The following CMIP variants were observed in gnomAD, a reference collection of about 807,000 sequenced individuals.
CMIP encodes the protein C-Maf-inducing protein.
A neutral mutation model predicts 97.3 loss-of-function variants in CMIP; 13 were observed. The observed-to-expected ratio is 0.13, with a 90% CI of 0.09 to 0.21. The LOEUF is 0.21. Ranked by LOEUF, CMIP falls within the 10% of genes least tolerant of loss-of-function variation. The probability of loss-of-function intolerance (pLI) is 1.00; values close to 1 mark genes in which losing one functional copy is unlikely to be tolerated. For missense variants in CMIP, 847 were observed against 1,024.9 expected, an observed-to-expected ratio of 0.83 and a Z score of 2.37; for synonymous variants, 538 against 436.3, an observed-to-expected ratio of 1.23 and a Z score of -2.91.
intron 1 of CMIP, among the ~76,000 whole-genome samples, chr16:81,556,189 C>G (rs997717722): frequency 6.6e-6 from 1 of 152,118 alleles, no homozygotes; most frequent in African/African-American, 2.4e-5. Flanking sequence ...TCTCATTTTG[C>G]TGTTACGGAA....
rs1244146893 is a variant in CMIP at position 81,651,490 on chromosome 16, G to A, written c.478-713G>A. On this transcript the variant is annotated intron_variant, in intron 3 of 20. Transcript: ENST00000537098. ...GAGGGCAGCGCTGGATTTCCCGGGG[G>A]AGCATTCCAGGTTTAGTCCCTACCT... The A allele has an allele frequency of 1.7e-5, 9 of 524,942 alleles. No individual in the cohort carries two copies. In the East Asian group the frequency reaches 4.4e-4, roughly 26 times the overall value. The allele number at this position is 524,942 out of a possible 1,614,324, so 32.5% of individuals were successfully genotyped here.
In CMIP at chr16:81,608,937, C is replaced by T. The variant is rs902733218; in HGVS notation, c.426+1245C>T. 6.6e-5 allele frequency among the ~76,000 whole-genome samples: 10 copies of T among 152,318 alleles called. No homozygotes were observed. The South Asian group carries it at 2.1e-3, about 32-fold the overall frequency. On this transcript the variant is annotated intron_variant, in intron 2 of 20. Coordinates refer to ENST00000537098, the MANE Select transcript of CMIP (RefSeq NM_198390.3). ...TTCTAAAAACCTATTTTAGATCTAG[C>T]AGCCACTGGATTGTGTAACAGCATT...
intron 1 of CMIP, among the ~76,000 whole-genome samples, chr16:81,581,641 C>G (rs887584865): frequency 2.6e-5 from 4 of 152,120 alleles, no homozygotes; most frequent in African/African-American, 9.7e-5. Context: ...GGGTATTCAC[C>G]TAGAAGGGGA....
chr16:81,587,576 A>G lies in CMIP; in HGVS notation c.301-19991A>G, dbSNP rs111841971. Reference sequence around the variant, plus strand: ...TGTTCTTCTCATTCCCATTTTACCAATGAAAAAACCAAAGGTGCTAGAGAT... The same window carrying G: ...TGTTCTTCTCATTCCCATTTTACCAGTGAAAAAACCAAAGGTGCTAGAGAT... On this transcript the variant is annotated intron_variant, in intron 1 of 20. Coordinates refer to ENST00000537098, the MANE Select transcript of CMIP (RefSeq NM_198390.3). Among the ~76,000 whole-genome samples the G allele has an allele frequency of 2.2e-3, 335 of 152,258 alleles. 1 individual carries two copies. The highest frequency in any genetic ancestry group is 4.4e-3 in the African/African-American group (183 of 41,510).
intron 2 of CMIP, chr16:81,611,380 C>T (rs1215313010): frequency 6.6e-6 from 1 of 152,194 alleles, no homozygotes; most frequent in African/African-American, 2.4e-5. Context: ...CAGTCTGCAC[C>T]CTGCTGCATT....
chr16:81,503,288 CG>C (rs1171906269), intron 1 of CMIP, among the ~76,000 whole-genome samples: 2 of 152,146 alleles, frequency 1.3e-5, no homozygotes, highest in South Asian at 2.1e-4. Flanking sequence ...GTGTGACAGC[CG>C]GGTGCTTGAT....
intron 2 of CMIP, chr16:81,617,308 G>C (rs570712657): frequency 2.0e-5 from 3 of 152,618 alleles, no homozygotes; most frequent in African/African-American, 7.2e-5. Flanking sequence ...GCCTGGAGCT[G>C]GGGTCGGGGC....
chr16:81,474,856 T>G (rs9935704), intron 1 of CMIP, among the ~76,000 whole-genome samples: 18,844 of 151,734 alleles, frequency 0.12, 1,248 homozygotes, highest in Admixed American at 0.14. Flanking sequence ...CCTCCAGCCA[T>G]GGGGGGCGGG....
rs148820885 is a variant in CMIP, at chr16:81,546,313, G to A, written c.301-61254G>A. Among the ~76,000 whole-genome samples, 188 of 152,254 alleles carry A rather than the reference G, an allele frequency of 1.2e-3. 1 individual carries two copies. Among genetic ancestry groups the A allele is most frequent in the Middle Eastern group, 6.8e-3 (2 of 294 alleles). ...AGGCATGGAGAAGGATGCCTTGTTC[G>A]CCGGCGGCAGAAGCTCCCTCTCAAT... On this transcript the variant is annotated intron_variant, in intron 1 of 20. Coordinates refer to ENST00000537098, the MANE Select transcript of CMIP (RefSeq NM_198390.3).
intron 1 of CMIP, among the ~76,000 whole-genome samples, chr16:81,470,130 C>G (rs1235592374): frequency 6.6e-6 from 1 of 152,224 alleles, no homozygotes; most frequent in African/African-American, 2.4e-5. Flanking sequence ...TCAGACACAA[C>G]TTTTGACAGT....
chr16:81,545,078 C>G (rs1259890227), intron 1 of CMIP, among the ~76,000 whole-genome samples: 3 of 152,144 alleles, frequency 2.0e-5, no homozygotes, highest in African/African-American at 7.2e-5. Context: ...CTTGTAAACT[C>G]CTAGACTCCT....
At chr16:81,510,557 A>G (rs1314083429) in intron 1 of CMIP, among the ~76,000 whole-genome samples, 1 of 152,190 alleles carries the variant, frequency 6.6e-6, no homozygotes, top group African/African-American at 2.4e-5. Flanking sequence ...CCAGCCAGGC[A>G]CAAAGCCAGG....
chr16:81,655,800 T>G lies in CMIP; in HGVS notation c.640-1975T>G, dbSNP rs1597204641. 6.6e-6 allele frequency among the ~76,000 whole-genome samples: 1 copy of G among 152,124 alleles called. No homozygotes were observed. Among genetic ancestry groups the G allele is most frequent in the South Asian group, 2.1e-4 (1 of 4,820 alleles). ...GTTCATATCCTCACTGCAGCCCCTA[T>G]TACCCTGCGCCTGCTAGTCACTGCA... On this transcript the variant is annotated intron_variant, in intron 4 of 20. Coordinates refer to ENST00000537098, the MANE Select transcript of CMIP (RefSeq NM_198390.3). This position sits in a 1 kb window ranked among gnomAD's most constrained non-coding sequence, Gnocchi z 4.9.
rs143370232 is a variant in CMIP at position 81,587,359 on chromosome 16, G to A, written c.301-20208G>A. On this transcript the variant is annotated intron_variant, in intron 1 of 20. Coordinates refer to ENST00000537098, the MANE Select transcript of CMIP (RefSeq NM_198390.3). ...TGTTTGGTAGGCAGAATTTTGAAAGGTGGAGTGCTGTGGGTGGAATCGATG... is the reference window on the plus strand; with the variant it reads ...TGTTTGGTAGGCAGAATTTTGAAAGATGGAGTGCTGTGGGTGGAATCGATG... 2.9e-3 allele frequency among the ~76,000 whole-genome samples: 440 copies of A among 152,318 alleles called. 5 individuals carry two copies. Among genetic ancestry groups the A allele is most frequent in the African/African-American group, 9.9e-3 (412 of 41,568 alleles).
intron 7 of CMIP, 114 bp downstream of exon 7, chr16:81,664,463 A>C: frequency 1.1e-6 from 1 of 925,228 alleles, no homozygotes; most frequent in Non-Finnish European, 1.6e-6. Flanking sequence ...GCCCAGCGTG[A>C]CAGCCAGGAA....
At chr16:81,643,805 A>G (rs1240928130) in intron 3 of CMIP, among the ~76,000 whole-genome samples, 1 of 152,082 alleles carries the variant, frequency 6.6e-6, no homozygotes, top group Non-Finnish European at 1.5e-5. Flanking sequence ...AAATAAATAA[A>G]TAAATAAGGT....
chr16:81,535,457 A>G (rs1484384738), intron 1 of CMIP, among the ~76,000 whole-genome samples: 2 of 141,706 alleles, frequency 1.4e-5, no homozygotes, highest in African/African-American at 5.1e-5. Flanking sequence ...ATGGTATAGC[A>G]CTGGAATGCT....
chr16:81,698,379 G>A (rs376942164), intron 14 of CMIP, among the ~76,000 whole-genome samples: 2 of 152,196 alleles, frequency 1.3e-5, no homozygotes, highest in African/African-American at 4.8e-5. Context: ...GAGGAAGCAG[G>A]ATTTGCCAAT....
intron 1 of CMIP, among the ~76,000 whole-genome samples, chr16:81,590,851 C>CCATT (rs2091456532): frequency 6.6e-6 from 1 of 152,046 alleles, no homozygotes; most frequent in Admixed American, 6.6e-5. Context: ...ATCCATCCAT[C>CCATT]CATCCATCCA....
Sources: gnomAD v4.1 joint callset for allele counts (sites outside exome capture counted in the v4.1 genomes callset) on GRCh38, gnomAD v4.1.1 for gene constraint, Gnocchi (gnomAD v3.1) non-coding constraint, MANE v1.5 for transcripts, NCBI Gene and HGNC (gene_info 2026-07-23, HGNC 2026-07-21) for gene names.